LAP3: variants seen among roughly 807,000 people sequenced by gnomAD.
The protein encoded by LAP3 is leucine aminopeptidase 3.
In LAP3, 46 loss-of-function variants were observed where a neutral mutation model predicts 58.8. The ratio of observed to expected loss-of-function variants is 0.78; its 90% confidence interval spans 0.62 to 1.00. The LOEUF is 1.00. Among genes scored for constraint, LAP3 ranks in the 50% least tolerant of loss-of-function variants. The pLI is 0.00. For missense variants in LAP3, 615 were observed against 659.1 expected (o/e 0.93, Z 0.73); for synonymous variants, 257 against 237.7 (o/e 1.08, Z -0.75).
intron 10 of LAP3, among the ~76,000 whole-genome samples, chr4:17,603,823 TTTCTTTC>T (rs759401356): frequency 1.2e-5 from 1 of 84,942 alleles, no homozygotes. Flanking sequence ...CTTTTTTTTT[TTTCTTTC>T]TTTCTTTTTT....
chr4:17,598,380 C>G (rs1248010925), intron 9 of LAP3, 76 bp from the exon 10 acceptor site: 11 of 1,071,394 alleles, frequency 1.0e-5, no homozygotes, highest in Non-Finnish European at 1.6e-5. Flanking sequence ...ACTTTTCCGT[C>G]GAACACTGTT....
At chr4:17,590,673 A>G (rs1157797391) in intron 7 of LAP3, among the ~76,000 whole-genome samples, 1 of 150,914 alleles carries the variant, frequency 6.6e-6, no homozygotes, top group African/African-American at 2.4e-5. Context: ...CCGGGTTCAC[A>G]CCATTCTCCT....
intron 10 of LAP3, among the ~76,000 whole-genome samples, chr4:17,602,286 CGT>C (rs941157697): frequency 4.6e-5 from 7 of 152,064 alleles, no homozygotes; most frequent in African/African-American, 1.7e-4. Context: ...AGGAAGCAGA[CGT>C]GTTCCTTGAC....
chr4:17,585,435 A>AT (rs201860192), intron 6 of LAP3: 82,295 of 149,102 alleles, frequency 0.55, 24,200 homozygotes, highest in East Asian at 0.84. Flanking sequence ...CAATTCAGTG[A>AT]TTTTTTTTTT....
intron 11 of LAP3, among the ~76,000 whole-genome samples, chr4:17,606,369 T>G (rs527872661): frequency 1.3e-5 from 2 of 152,302 alleles, no homozygotes; most frequent in African/African-American, 4.8e-5. Context: ...AGACGGAGCC[T>G]CGCTCTGTCG....
Position 17,590,787 on chromosome 4 carries a change from G to A in LAP3, c.863+1810G>A, listed in dbSNP as rs548325321. 2.0e-5 allele frequency among the ~76,000 whole-genome samples: 3 copies of A among 152,092 alleles called. No individual in the cohort carries two copies. In the South Asian group the frequency reaches 6.2e-4, roughly 32 times the overall value. ...GGGGTTTCAGCTTGTTAGCCAGGTG[G>A]TCTCGATCTCCTGACCTCGTCATCT... On this transcript the variant is annotated intron_variant, in intron 7 of 12. Transcript: ENST00000226299.
At chr4:17,589,471 A>C (rs1198897061) in intron 7 of LAP3, among the ~76,000 whole-genome samples, 1 of 152,130 alleles carries the variant, frequency 6.6e-6, no homozygotes. Context: ...ACTATCAGGT[A>C]TTTTGCATGT....
rs192097162 is a variant in LAP3, at chr4:17,606,334, T to C, written c.1261-495T>C. 1.7e-3 allele frequency among the ~76,000 whole-genome samples: 257 copies of C among 152,294 alleles called. 2 individuals carry two copies. Among genetic ancestry groups the C allele is most frequent in the Non-Finnish European group, 2.8e-3 (189 of 68,028 alleles). The stretch of plus-strand genomic sequence containing the variant: ...TCACAGCATTCCCGGTTTCTTTTTA[T>C]TTTTTATTTATTTATTTATTTTTGA... On this transcript the variant is annotated intron_variant, in intron 11 of 12. Transcript: ENST00000226299.
Position 17,580,184 on chromosome 4 carries a change from A to ATT in LAP3, c.218+258_218+259dup, listed in dbSNP as rs1553880888. On this transcript the variant is annotated intron_variant, in intron 2 of 12. Coordinates refer to ENST00000226299, the MANE Select transcript of LAP3 (RefSeq NM_015907.3). ...GGCTTTCATATATATATATATATGT[A>ATT]TTTTTTTTTTTTTTCAGTAGAGTTG... Among the ~76,000 whole-genome samples the ATT allele has an allele frequency of 5.3e-3, 211 of 39,970 alleles. 1 individual carries two copies. Among genetic ancestry groups the ATT allele is most frequent in the African/African-American group, 0.026 (195 of 7,568 alleles). 26.2% of individuals were successfully genotyped at this position (39,970 alleles called of 152,430 possible). A position where few individuals can be genotyped will look rare whatever the true frequency, so the allele number is the denominator to read the frequency against.
In LAP3 at chr4:17,577,443, G is replaced by A. The variant is rs775811991; in HGVS notation, c.-23G>A. On this transcript the variant is annotated 5_prime_UTR_variant, in exon 1 of 13. It adds an upstream start codon to the 5' untranslated region. Transcript: ENST00000226299. ...CTCTCCACGTGCTCGCTGGAGGGCGGTGCGAGGGGCCGAGCCGACAAGATG... is the reference window on the plus strand; with the variant it reads ...CTCTCCACGTGCTCGCTGGAGGGCGATGCGAGGGGCCGAGCCGACAAGATG... 6.5e-7 allele frequency: 1 copy of A among 1,528,436 alleles called. No individual in the cohort carries two copies. Among genetic ancestry groups the A allele is most frequent in the South Asian group, 1.2e-5 (1 of 82,350 alleles). The allele number at this position is 1,528,436 out of a possible 1,614,324, so 94.7% of individuals were successfully genotyped here.
At chr4:17,597,690 A>G (rs1278445414) in intron 9 of LAP3, among the ~76,000 whole-genome samples, 4 of 152,206 alleles carry the variant, frequency 2.6e-5, no homozygotes, top group Non-Finnish European at 4.4e-5. Flanking sequence ...ACACGTTTCC[A>G]TGAATTTGCT....
chr4:17,587,944 AT>A (rs796220201), intron 6 of LAP3, among the ~76,000 whole-genome samples: 3,287 of 141,214 alleles, frequency 0.023, 109 homozygotes, highest in African/African-American at 0.075. Context: ...CTGTTGGTTG[AT>A]TTTTTTTTTT....
At position 17,603,555 on chromosome 4, in the gene LAP3, A is replaced by G. The variant is rs183810792; in HGVS notation, c.1181-1033A>G. Among the ~76,000 whole-genome samples, 357 of 148,722 alleles carry G rather than the reference A, an allele frequency of 2.4e-3. 3 individuals are homozygous for G. The highest frequency in any genetic ancestry group is 8.2e-3 in the African/African-American group (329 of 40,244). On this transcript the variant is annotated intron_variant, in intron 10 of 12. Coordinates refer to ENST00000226299, the MANE Select transcript of LAP3 (RefSeq NM_015907.3). Reference sequence around the variant, plus strand: ...GTTTCGCTCTTGTTGCTCAGGCTGGAGTGCAATGGTGCAATCTCGGCTCTC... The same window carrying G: ...GTTTCGCTCTTGTTGCTCAGGCTGGGGTGCAATGGTGCAATCTCGGCTCTC...
rs751519377 is a variant in LAP3, at chr4:17,607,600, C to G, written c.*11C>G. On this transcript the variant is annotated 3_prime_UTR_variant, in exon 13 of 13. Coordinates refer to ENST00000226299, the MANE Select transcript of LAP3 (RefSeq NM_015907.3). ...CAAGACAATGCTTAGTTCAGATACT[C>G]AAAAATGTCTTCACTCTGTCTTAAA... The G allele has an allele frequency of 2.7e-5, 43 of 1,585,776 alleles. No individual in the cohort carries two copies. The highest frequency in any genetic ancestry group is 3.4e-5 in the Non-Finnish European group (40 of 1,167,020).
At chr4:17,593,609 GTTTTT>G (rs55676326) in intron 7 of LAP3, among the ~76,000 whole-genome samples, 4 of 87,608 alleles carry the variant, frequency 4.6e-5, no homozygotes. Context: ...ATCTGCTTGG[GTTTTT>G]TTTTTTTTTT....
At chr4:17,601,047 C>T (rs768446497) in intron 10 of LAP3, among the ~76,000 whole-genome samples, 5 of 152,156 alleles carry the variant, frequency 3.3e-5, no homozygotes, top group Non-Finnish European at 5.9e-5. Context: ...GTGACATATT[C>T]GGGGATGGCC....
At chr4:17,582,487 C>T in intron 4 of LAP3, 94 bp downstream of exon 4, 2 of 866,998 alleles carry the variant, frequency 2.3e-6, no homozygotes, top group South Asian at 1.6e-5. Flanking sequence ...GTTGCCACCC[C>T]TTACCACGTT....
At chr4:17,601,836 G>A (rs77092821) in intron 10 of LAP3, among the ~76,000 whole-genome samples, 69 of 152,042 alleles carry the variant, frequency 4.5e-4, no homozygotes, top group African/African-American at 1.6e-3. Context: ...CATCTCCCCC[G>A]CTTCAAAATA....
intron 10 of LAP3, among the ~76,000 whole-genome samples, chr4:17,604,244 G>A (rs1714059000): frequency 1.4e-5 from 2 of 140,598 alleles, no homozygotes; most frequent in African/African-American, 5.5e-5. Flanking sequence ...CCACTACACT[G>A]CAGCCTGGGT....
Sources: allele counts gnomAD v4.1 joint callset (sites outside exome capture counted in the v4.1 genomes callset), GRCh38; gene constraint gnomAD v4.1.1; transcripts MANE v1.5; gene names NCBI Gene and HGNC (gene_info 2026-07-23, HGNC 2026-07-21).